Variants in CCDC9 observed in about 807,000 individuals in gnomAD.
The protein encoded by CCDC9 is coiled-coil domain-containing protein 9.
A neutral mutation model predicts 65.6 loss-of-function variants in CCDC9; 52 were observed. The observed-to-expected ratio is 0.79, with a 90% confidence interval of 0.63 to 1.00. The LOEUF (loss-of-function observed/expected upper bound fraction) is 1.00, where lower values mean the gene tolerates loss of function less well. CCDC9 is among the 50% of genes least tolerant of loss of function. The pLI, the probability that CCDC9 is intolerant of heterozygous loss-of-function variation, is 0.00. For synonymous variants in CCDC9, 332 were observed against 280.3 expected (o/e 1.18, Z -1.84); for missense variants, 834 against 757.2 (o/e 1.10, Z -1.19).
In CCDC9 at chr19:47,271,401, A is replaced by G. The variant is rs962305909; in HGVS notation, c.1319A>G (p.Glu440Gly). The change falls in exon 12 of 12, where the codon GAA becomes GGA. Residue 440 changes from glutamate (E) to glycine (G), a missense_variant. By Grantham distance (98) the Glu-to-Gly change is moderately conservative. Coordinates refer to ENST00000221922, the MANE Select transcript of CCDC9 (RefSeq NM_015603.3). ...DEEEEEIEVEEGDEEEPAQDH... is the reference protein window; with the variant it reads ...DEEEEEIEVEGGDEEEPAQDH... Reference sequence around the variant, plus strand: ...GAAGAGGAGGAGATCGAGGTGGAAGAAGGTGATGAGGAGGAACCAGCCCAA... The same window carrying G: ...GAAGAGGAGGAGATCGAGGTGGAAGGAGGTGATGAGGAGGAACCAGCCCAA... 7 of 1,611,686 alleles carry G rather than the reference A, an allele frequency of 4.3e-6. No homozygotes were observed. The South Asian group carries it at 6.6e-5, about 15-fold the overall frequency.
chr19:47,274,444 G>C (rs2059143394), downstream of CCDC9: 1 of 152,774 alleles, frequency 6.5e-6, no homozygotes, highest in Non-Finnish European at 1.5e-5. Flanking sequence ...TAGAGTGTGG[G>C]AGCCAGAGGC....
downstream of CCDC9, chr19:47,275,520 C>A: frequency 4.6e-6 from 4 of 874,386 alleles, no homozygotes; most frequent in Non-Finnish European, 6.7e-6. Context: ...CGGGGCCTTG[C>A]CTCTTGCAGC....
downstream of CCDC9, among the ~76,000 whole-genome samples, chr19:47,274,278 G>A (rs1215813085): frequency 4.6e-5 from 7 of 151,704 alleles, no homozygotes; most frequent in East Asian, 1.2e-3. Flanking sequence ...CTGCCTGGGC[G>A]GGGCCGGAAT....
In CCDC9 at chr19:47,271,336, G is replaced by T; in HGVS notation, c.1254G>T (p.Gly418=). The stretch of plus-strand genomic sequence containing the variant: ...AAGACGAGGGGGAAGAGAATGAGGG[G>T]GAAGAGGATGAAGAATGGGAGGACA... ...PPEDEGEENE[G]EEDEEWEDIS... is the part of the protein sequence containing the mutation. Residue 418 remains glycine, a synonymous_variant, in exon 12 of 12, where the codon GGG becomes GGT. Transcript: ENST00000221922. The T allele has an allele frequency of 1.2e-6, 2 of 1,612,936 alleles. No individual in the cohort carries two copies. Among genetic ancestry groups the T allele is most frequent in the Non-Finnish European group, 1.7e-6 (2 of 1,179,420 alleles).
chr19:47,273,625 G>A, downstream of CCDC9: 1 of 394,904 alleles, frequency 2.5e-6, no homozygotes, highest in South Asian at 1.4e-4. Context: ...TCGGGTGCAG[G>A]CCCCACCAAC....
chr19:47,270,677 C>G lies in CCDC9; in HGVS notation c.1074C>G (p.Pro358=). The change falls in exon 10 of 12, where the codon CCC becomes CCG. Residue 358 remains proline, a synonymous_variant. Transcript: ENST00000221922. ...KSSRPQAKAA[P]RAYSDHDDRW... ...GTCGGCCCCAGGCCAAGGCAGCGCCCAGGGCCTACAGGTGGGGCACCCCTT... is the reference window on the plus strand; with the variant it reads ...GTCGGCCCCAGGCCAAGGCAGCGCCGAGGGCCTACAGGTGGGGCACCCCTT... 1 of 1,610,882 alleles carries G rather than the reference C, an allele frequency of 6.2e-7. No homozygotes were observed. The highest frequency in any genetic ancestry group is 8.5e-7 in the Non-Finnish European group (1 of 1,179,708).
chr19:47,275,415 C>G, downstream of CCDC9: 1 of 1,497,850 alleles, frequency 6.7e-7, no homozygotes, highest in Non-Finnish European at 8.9e-7. Flanking sequence ...CGAGGATGCA[C>G]CGTCTCTGGA....
At chr19:47,257,334 G>C (rs1034337388) in intron 1 of CCDC9, among the ~76,000 whole-genome samples, 2 of 151,852 alleles carry the variant, frequency 1.3e-5, no homozygotes, top group Non-Finnish European at 2.9e-5. Flanking sequence ...GGTAGGGGCG[G>C]GTGTAGGCTG....
downstream of CCDC9, chr19:47,274,958 C>A: frequency 1.4e-6 from 2 of 1,391,896 alleles, no homozygotes; most frequent in South Asian, 1.6e-5. Flanking sequence ...GCGCCGAGAG[C>A]CCCGGAGGCG....
intron 5 of CCDC9, among the ~76,000 whole-genome samples, chr19:47,261,970 G>A (rs570227038): frequency 1.2e-3 from 182 of 151,770 alleles, no homozygotes; most frequent in African/African-American, 2.4e-3. Context: ...GCAGTGAGCC[G>A]AGATTGCGCC....
downstream of CCDC9, chr19:47,275,527 C>A: frequency 1.2e-6 from 1 of 840,044 alleles, no homozygotes; most frequent in South Asian, 1.9e-5. Context: ...TTGCCTCTTG[C>A]AGCTACTCTG....
At chr19:47,274,217 G>A (rs1038721562), downstream of CCDC9, among the ~76,000 whole-genome samples, 29 of 152,294 alleles carry the variant, frequency 1.9e-4, no homozygotes, top group African/African-American at 6.7e-4. Context: ...ATACCTGAAA[G>A]CGGGCTGAGA....
chr19:47,266,886 T>A (rs2059085980), intron 8 of CCDC9, 94 bp downstream of exon 8: 1 of 1,415,120 alleles, frequency 7.1e-7, no homozygotes, highest in Non-Finnish European at 9.5e-7. Context: ...TCCTGCTGTG[T>A]ATGAGTGAGT....
rs1487967597 is a variant in CCDC9 at position 47,260,607 on chromosome 19, C to T, written c.230C>T (p.Ser77Phe). 1 of 1,527,776 alleles carries T rather than the reference C, an allele frequency of 6.5e-7. No homozygotes were observed. Among genetic ancestry groups the T allele is most frequent in the Non-Finnish European group, 8.7e-7 (1 of 1,146,570 alleles). The allele number at this position is 1,527,776 out of a possible 1,614,324, so 94.6% of individuals were successfully genotyped here. A position where few individuals can be genotyped will look rare whatever the true frequency, so the allele number is the denominator to read the frequency against. Reference sequence around the variant, plus strand: ...TTCCAGGAGAAGAACCTGGGTCCTTCCCGGAGGTCTCCTGGGACCCCTCGG... The same window carrying T: ...TTCCAGGAGAAGAACCTGGGTCCTTTCCGGAGGTCTCCTGGGACCCCTCGG... The part of the protein sequence containing the change: ...AVESEKNLGP[S>F]RRSPGTPRPP... The change falls in exon 5 of 12, where the codon TCC becomes TTC. Residue 77 changes from serine (S) to phenylalanine (F), a missense_variant. Transcript: ENST00000221922.
intron 8 of CCDC9, 114 bp from the exon 9 acceptor site, chr19:47,270,293 T>TAGGA: frequency 1.0e-6 from 1 of 992,260 alleles, no homozygotes; most frequent in South Asian, 1.4e-5. Flanking sequence ...GTGTCCCCTG[T>TAGGA]CTGGTTGACC....
chr19:47,275,508 C>T (rs73943650), downstream of CCDC9: 9 of 1,044,940 alleles, frequency 8.6e-6, no homozygotes, highest in African/African-American at 6.8e-5. Context: ...GGGGTGTCAG[C>T]TCGGGGCCTT....
chr19:47,264,949 G>A lies in CCDC9; in HGVS notation c.720+3G>A, dbSNP rs1195445065. The A allele has an allele frequency of 2.3e-5, 33 of 1,442,336 alleles. No individual in the cohort carries two copies. Among genetic ancestry groups the A allele is most frequent in the Non-Finnish European group, 2.9e-5 (32 of 1,101,630 alleles). 89.3% of individuals were successfully genotyped at this position (1,442,336 alleles called of 1,614,324 possible). On this transcript the variant is annotated splice_donor_region_variant and intron_variant, in intron 7 of 11. Coordinates refer to ENST00000221922, the MANE Select transcript of CCDC9 (RefSeq NM_015603.3). ...GTGGCCTTGAGCACGAGCGGCAGGT[G>A]GGTGTTGGCAGTGAGGACACCTCGG...
intron 7 of CCDC9, chr19:47,266,380 G>C: frequency 2.0e-6 from 1 of 494,548 alleles, no homozygotes. Flanking sequence ...TGAGATGTGA[G>C]GTCCTACCAA....
At chr19:47,267,689 G>A (rs986044708) in intron 8 of CCDC9, among the ~76,000 whole-genome samples, 1 of 152,158 alleles carries the variant, frequency 6.6e-6, no homozygotes, top group African/African-American at 2.4e-5. Flanking sequence ...CCCCTCCAGT[G>A]GATAGGAACA....
Sources: allele counts gnomAD v4.1 joint callset (sites outside exome capture counted in the v4.1 genomes callset), GRCh38; gene constraint gnomAD v4.1.1; transcripts MANE v1.5; gene names NCBI Gene and HGNC (gene_info 2026-07-23, HGNC 2026-07-21).